Variants in TMCO4 observed in about 807,000 individuals in gnomAD.
TMCO4 encodes transmembrane and coiled-coil domains 4.
TMCO4 carries 58 observed loss-of-function variants against 64.7 expected under a neutral mutation model. That is an observed-to-expected ratio of 0.90 (90% confidence interval 0.73 to 1.12). TMCO4 has a LOEUF of 1.12. Ranked by LOEUF, TMCO4 falls within the 50% of genes most tolerant of loss-of-function variation. The probability of loss-of-function intolerance (pLI) is 0.00; values close to 1 mark genes in which losing one functional copy is unlikely to be tolerated. For missense variants in TMCO4, 780 were observed against 825.9 expected, an observed-to-expected ratio of 0.94 and a Z score of 0.68; for synonymous variants, 325 against 346.1, an observed-to-expected ratio of 0.94 and a Z score of 0.68.
chr1:19,709,321 C>T (rs1000663772), intron 13 of TMCO4, among the ~76,000 whole-genome samples: 14 of 151,638 alleles, frequency 9.2e-5, no homozygotes, highest in Non-Finnish European at 1.6e-4. Context: ...ATCTGCACTG[C>T]CTGACCTCCC....
At chr1:19,771,118 G>A (rs1266436) in intron 5 of TMCO4, among the ~76,000 whole-genome samples, 190 bp downstream of exon 5, 140,210 of 152,322 alleles carry the variant, frequency 0.92, 64,640 homozygotes, top group African/African-American at 0.98. Context: ...GAACCAGCAC[G>A]TAATCAGCAT....
chr1:19,747,129 C>A, intron 8 of TMCO4, 34 bp downstream of exon 8: 1 of 1,605,818 alleles, frequency 6.2e-7, no homozygotes, highest in Non-Finnish European at 8.5e-7. Flanking sequence ...TCTACAAAAC[C>A]CAGACGTGTG....
intron 6 of TMCO4, among the ~76,000 whole-genome samples, chr1:19,759,377 G>A (rs2042402502): frequency 6.6e-6 from 1 of 152,152 alleles, no homozygotes; most frequent in Non-Finnish European, 1.5e-5. Context: ...CCAAACAGCA[G>A]CCACTGAGCT....
rs188168656 is a variant in TMCO4 at position 19,781,514 on chromosome 1, C to T, written c.-8-748G>A. ...ATAAGTATGAAAAGATGTTCAACAT[C>T]GTTAGTCATCAGAGAAATGGAAATT... On this transcript the variant is annotated intron_variant, in intron 3 of 15. Coordinates refer to ENST00000294543, the MANE Select transcript of TMCO4 (RefSeq NM_181719.7). Among the ~76,000 whole-genome samples, 334 of 151,062 alleles carry T rather than the reference C, an allele frequency of 2.2e-3. 4 individuals are homozygous for T. Among genetic ancestry groups the T allele is most frequent in the Non-Finnish European group, 1.2e-3 (79 of 67,862 alleles).
At chr1:19,706,835 A>C (rs2095305597) in intron 13 of TMCO4, among the ~76,000 whole-genome samples, 1 of 152,228 alleles carries the variant, frequency 6.6e-6, no homozygotes, top group South Asian at 2.1e-4. Context: ...ACAGGAGCCC[A>C]GCTGATCACT....
At chr1:19,797,127 T>C (rs974871547) in intron 2 of TMCO4, among the ~76,000 whole-genome samples, 1 of 152,126 alleles carries the variant, frequency 6.6e-6, no homozygotes, top group African/African-American at 2.4e-5. Flanking sequence ...AGGTCCCCAA[T>C]ATGCTCAAGA....
chr1:19,791,239 GCAGCAAACCAT>G (rs1223766963), intron 2 of TMCO4, among the ~76,000 whole-genome samples: 3 of 151,796 alleles, frequency 2.0e-5, no homozygotes, highest in African/African-American at 7.3e-5. Flanking sequence ...GCTGCTAAGT[GCAGCAAACCAT>G]CATGGCACAT....
chr1:19,698,432 C>A (rs972753367), intron 14 of TMCO4, among the ~76,000 whole-genome samples: 6 of 152,232 alleles, frequency 3.9e-5, no homozygotes, highest in Admixed American at 2.6e-4. Context: ...ATGTGACAGG[C>A]AGCAGTGCTA....
chr1:19,749,139 G>C (rs746089218), intron 7 of TMCO4, among the ~76,000 whole-genome samples: 1 of 152,194 alleles, frequency 6.6e-6, no homozygotes, highest in Non-Finnish European at 1.5e-5. Context: ...GAGGCAGGAG[G>C]GCCATCAAGA....
intron 4 of TMCO4, 133 bp from the exon 5 acceptor site, chr1:19,771,615 C>T (rs1243422845): frequency 2.3e-6 from 2 of 863,278 alleles, no homozygotes; most frequent in Non-Finnish European, 3.4e-6. Flanking sequence ...CCCTCAAATA[C>T]AGAGGCAGTC....
chr1:19,758,261 T>C (rs2042350751), intron 6 of TMCO4, among the ~76,000 whole-genome samples: 1 of 151,832 alleles, frequency 6.6e-6, no homozygotes, highest in African/African-American at 2.4e-5. Context: ...GATGAGGAGC[T>C]GTCTACGTGC....
At chr1:19,772,752 C>T (rs1230470765) in intron 4 of TMCO4, among the ~76,000 whole-genome samples, 4 of 152,180 alleles carry the variant, frequency 2.6e-5, no homozygotes, top group Admixed American at 2.6e-4. Context: ...AGAGGCTGCA[C>T]TCAGGCCTCT....
In TMCO4 at chr1:19,699,656, T is replaced by G. The variant is rs6661591; in HGVS notation, c.1382+1112A>C. The stretch of plus-strand genomic sequence containing the variant: ...GCAACCTCCGCCTCCCAGGTTCAAG[T>G]GATTGTCCTGCCTCAGCCTCCCACC... On this transcript the variant is annotated intron_variant, in intron 14 of 15. Coordinates refer to ENST00000294543, the MANE Select transcript of TMCO4 (RefSeq NM_181719.7). Among the ~76,000 whole-genome samples the G allele has an allele frequency of 9.2e-5, 14 of 152,142 alleles. No individual in the cohort carries two copies. In the South Asian group the frequency reaches 2.7e-3, roughly 29 times the overall value.
chr1:19,779,046 GGACA>G (rs3830784), intron 4 of TMCO4, among the ~76,000 whole-genome samples: 25,909 of 151,972 alleles, frequency 0.17, 2,504 homozygotes, highest in East Asian at 0.34. Flanking sequence ...TCAGTCCAGT[GGACA>G]GACAAAGACA....
At chr1:19,683,818 C>T (rs940689278) in intron 15 of TMCO4, among the ~76,000 whole-genome samples, 1 of 129,654 alleles carries the variant, frequency 7.7e-6, no homozygotes, top group African/African-American at 3.1e-5. Context: ...GCTGGAGTGC[C>T]GTGGCGCAAT....
chr1:19,789,577 G>A (rs370041451), intron 2 of TMCO4, among the ~76,000 whole-genome samples: 1 of 152,128 alleles, frequency 6.6e-6, no homozygotes, highest in Non-Finnish European at 1.5e-5. Flanking sequence ...TTTCGGTCAT[G>A]AGCTTATTGG....
At chr1:19,707,131 C>T (rs1344240935) in intron 13 of TMCO4, among the ~76,000 whole-genome samples, 1 of 152,200 alleles carries the variant, frequency 6.6e-6, no homozygotes, top group Non-Finnish European at 1.5e-5. Flanking sequence ...TCTCTGTGCT[C>T]CAGCCACACT....
At chr1:19,757,164 G>C (rs947433307) in intron 6 of TMCO4, among the ~76,000 whole-genome samples, 3 of 151,068 alleles carry the variant, frequency 2.0e-5, no homozygotes, top group African/African-American at 4.9e-5. Context: ...GGTGGCGGGG[G>C]GGGGCGCCTG....
At chr1:19,698,510 T>C (rs1198121887) in intron 14 of TMCO4, among the ~76,000 whole-genome samples, 1 of 152,214 alleles carries the variant, frequency 6.6e-6, no homozygotes, top group African/African-American at 2.4e-5. Context: ...CAAAGAGCTT[T>C]ATTCATGTAA....
Sources: gnomAD v4.1 joint callset for allele counts (sites outside exome capture counted in the v4.1 genomes callset) on GRCh38, gnomAD v4.1.1 for gene constraint, MANE v1.5 for transcripts, NCBI Gene and HGNC (gene_info 2026-07-23, HGNC 2026-07-21) for gene names.